VWA3A: variants seen among roughly 807,000 people sequenced by gnomAD.
VWA3A encodes the protein von Willebrand factor A domain containing 3A.
Under a neutral mutation model 160.4 loss-of-function variants are expected in VWA3A, and 134 were observed. The observed-to-expected ratio is 0.84, with a 90% confidence interval of 0.73 to 0.96. VWA3A has a LOEUF of 0.96. VWA3A is among the 40% of genes least tolerant of loss of function. VWA3A has a pLI of 0.00. For synonymous variants in VWA3A, 476 were observed against 543.4 expected (o/e 0.88, Z 1.72); for missense variants, 1,310 against 1,447.9 (o/e 0.90, Z 1.55).
chr16:22,109,728 A>G (rs1223236817), intron 7 of VWA3A, 148 bp downstream of exon 7: 3 of 672,576 alleles, frequency 4.5e-6, no homozygotes, highest in Non-Finnish European at 7.6e-6. Context: ...ACCTGTGGTT[A>G]GAGAACTATG....
intron 23 of VWA3A, chr16:22,141,147 T>A (rs2046140967): frequency 4.4e-6 from 2 of 456,886 alleles, no homozygotes; most frequent in Non-Finnish European, 8.8e-6. Context: ...ACAATCTTAA[T>A]GAAAGTACTC....
At chr16:22,115,568 A>G in intron 9 of VWA3A, 96 bp downstream of exon 9, 2 of 1,367,116 alleles carry the variant, frequency 1.5e-6, no homozygotes, top group Non-Finnish European at 1.9e-6. Context: ...ACAGTGGCTC[A>G]TGCCTGTAAT....
chr16:22,149,676 A>C, intron 28 of VWA3A, 111 bp from the exon 29 acceptor site: 1 of 1,324,962 alleles, frequency 7.5e-7, no homozygotes, highest in Non-Finnish European at 9.9e-7. Flanking sequence ...GTGACGAGCA[A>C]GAATAGTCCT....
At chr16:22,138,618 G>T (rs973673651) in intron 22 of VWA3A, 106 bp downstream of exon 22, 1 of 1,454,692 alleles carries the variant, frequency 6.9e-7, no homozygotes, top group Middle Eastern at 1.8e-4. Flanking sequence ...GGGGGTGGGT[G>T]CTTCAGTGGT....
chr16:22,121,805 T>C (rs2045739963), intron 14 of VWA3A, among the ~76,000 whole-genome samples, 188 bp downstream of exon 14: 2 of 152,254 alleles, frequency 1.3e-5, no homozygotes, highest in South Asian at 4.1e-4. Context: ...ACTTGGGAGA[T>C]GAGGCAAGAG....
In VWA3A at chr16:22,134,352, T is replaced by C. The variant is rs1326345642; in HGVS notation, c.2069-16T>C. ...ACACCCTGTCTCACCTTGCTCACGA[T>C]GTGCTTTGTTTCCAGGCATTTATGA... is the stretch of plus-strand genomic sequence containing the variant. On this transcript the variant is annotated splice_polypyrimidine_tract_variant and intron_variant, in intron 20 of 33. Coordinates refer to ENST00000389398, the MANE Select transcript of VWA3A (RefSeq NM_173615.5). 2 of 1,588,912 alleles carry C rather than the reference T, an allele frequency of 1.3e-6. No homozygotes were observed. The highest frequency in any genetic ancestry group is 1.8e-5 in the Admixed American group (1 of 56,260).
intron 15 of VWA3A, 108 bp from the exon 16 acceptor site, chr16:22,123,505 A>T (rs547899955): frequency 6.2e-7 from 1 of 1,602,398 alleles, no homozygotes; most frequent in East Asian, 2.2e-5. Flanking sequence ...ATTCCCAGGG[A>T]CTTGACACAC....
chr16:22,104,586 GA>G (rs1174243174), intron 6 of VWA3A, among the ~76,000 whole-genome samples: 1 of 152,160 alleles, frequency 6.6e-6, no homozygotes, highest in Non-Finnish European at 1.5e-5. Context: ...GGCTGAGGCA[GA>G]AGGATTTCTT....
At chr16:22,132,570 ATACATACC>A (rs2045967274) in intron 19 of VWA3A, among the ~76,000 whole-genome samples, 1 of 152,040 alleles carries the variant, frequency 6.6e-6, no homozygotes, top group Non-Finnish European at 1.5e-5. Flanking sequence ...ACATACATAC[ATACATACC>A]TACATAGTGC....
At chr16:22,107,821 AC>A (rs2045502849) in intron 6 of VWA3A, among the ~76,000 whole-genome samples, 1 of 152,086 alleles carries the variant, frequency 6.6e-6, no homozygotes, top group South Asian at 2.1e-4. Context: ...TCAGCCCATG[AC>A]CCACACCTTC....
chr16:22,097,001 T>C, intron 2 of VWA3A, 56 bp downstream of exon 2: 1 of 1,185,908 alleles, frequency 8.4e-7, no homozygotes, highest in Non-Finnish European at 1.2e-6. Flanking sequence ...ATTCTCGCAC[T>C]GTCTCCCAGG....
intron 27 of VWA3A, among the ~76,000 whole-genome samples, chr16:22,146,922 C>A (rs1282592637): frequency 2.6e-5 from 4 of 152,194 alleles, no homozygotes; most frequent in Non-Finnish European, 5.9e-5. Flanking sequence ...CTGCAAGTGA[C>A]AAGGGGCTCA....
chr16:22,119,951 G>A (rs932856453), intron 12 of VWA3A, among the ~76,000 whole-genome samples: 1 of 151,638 alleles, frequency 6.6e-6, no homozygotes, highest in African/African-American at 2.4e-5. Context: ...CCAGGAGGCA[G>A]AGGTTGCAGT....
intron 23 of VWA3A, 68 bp from the exon 24 acceptor site, chr16:22,141,514 C>A (rs2046148920): frequency 6.8e-7 from 1 of 1,461,840 alleles, no homozygotes. Flanking sequence ...TGTCTCTAAG[C>A]CAAGCTGGAC....
rs748189652 is a variant in VWA3A at position 22,132,971 on chromosome 16, C to T, written c.1944C>T (p.Tyr648=). 52 of 1,613,956 alleles carry T rather than the reference C, an allele frequency of 3.2e-5. No homozygotes were observed. In the African/African-American group the frequency reaches 4.3e-4, roughly 13 times the overall value. ...CDLQLNVCLF[Y]VGEPKMDTTP... is the part of the protein sequence containing the mutation. ...TCCAGCTGAACGTGTGTCTCTTCTACGTGGGCGAGCCAAAGATGGACACCA... is the reference window on the plus strand; with the variant it reads ...TCCAGCTGAACGTGTGTCTCTTCTATGTGGGCGAGCCAAAGATGGACACCA... Residue 648 remains tyrosine (Y), a synonymous_variant, in exon 20 of 34, where the codon TAC becomes TAT. Coordinates refer to ENST00000389398, the MANE Select transcript of VWA3A (RefSeq NM_173615.5).
chr16:22,129,952 A>T (rs11645200), intron 17 of VWA3A, among the ~76,000 whole-genome samples: 65,277 of 151,354 alleles, frequency 0.43, 17,367 homozygotes, highest in East Asian at 0.74. Flanking sequence ...CTTTGAGAGG[A>T]TGAGGCATGT....
At chr16:22,110,033 A>G (rs1324631349) in intron 7 of VWA3A, among the ~76,000 whole-genome samples, 1 of 152,210 alleles carries the variant, frequency 6.6e-6, no homozygotes, top group Non-Finnish European at 1.5e-5. Context: ...ACTCACATCC[A>G]TAGCAGAGAA....
intron 27 of VWA3A, chr16:22,147,732 C>T: frequency 2.9e-6 from 2 of 696,692 alleles, no homozygotes; most frequent in Non-Finnish European, 5.2e-6. Flanking sequence ...GGAACGGTGA[C>T]ATAAAACCAG....
chr16:22,116,952 G>A, intron 10 of VWA3A, 85 bp downstream of exon 10: 1 of 1,446,630 alleles, frequency 6.9e-7, no homozygotes, highest in Non-Finnish European at 9.6e-7. Flanking sequence ...GCTTGGACAG[G>A]CCCCCGAGCT....
Sources: gnomAD v4.1 joint callset for allele counts (sites outside exome capture counted in the v4.1 genomes callset) on GRCh38, gnomAD v4.1.1 for gene constraint, MANE v1.5 for transcripts, NCBI Gene and HGNC (gene_info 2026-07-23, HGNC 2026-07-21) for gene names.